Variants in KANK1 observed in about 807,000 individuals in gnomAD.
The protein encoded by KANK1 is KN motif and ankyrin repeat domains 1.
Under a neutral mutation model 106.2 loss-of-function variants are expected in KANK1, and 109 were observed. That is an observed-to-expected ratio of 1.03 (90% CI 0.88 to 1.20). KANK1 has a LOEUF of 1.20. KANK1 is among the 50% of genes most tolerant of loss of function. The probability of loss-of-function intolerance (pLI) is 0.00; values close to 1 mark genes in which losing one functional copy is unlikely to be tolerated. For missense variants in KANK1, 2,399 were observed against 1,710.7 expected (o/e 1.40, Z -7.10); for synonymous variants, 873 against 652.2 (o/e 1.34, Z -5.16).
Position 536,951 on chromosome 9 carries a change from C to T in KANK1, c.-84+32197C>T, listed in dbSNP as rs186487379. 7.2e-5 allele frequency among the ~76,000 whole-genome samples: 11 copies of T among 152,230 alleles called. No homozygotes were observed. In the South Asian group the frequency reaches 1.7e-3, roughly 23 times the overall value. On this transcript the variant is annotated intron_variant, in intron 1 of 11. Coordinates refer to ENST00000382297, the MANE Select transcript of KANK1 (RefSeq NM_015158.5). Reference sequence around the variant, plus strand: ...CATCTGTTCCACCTGGCTGGCAGCACGCACCTTGCAGGTCAGGTGTGAGAT... The same window carrying T: ...CATCTGTTCCACCTGGCTGGCAGCATGCACCTTGCAGGTCAGGTGTGAGAT...
chr9:735,090 T>C (rs2131923599), intron 7 of KANK1, among the ~76,000 whole-genome samples: 1 of 152,344 alleles, frequency 6.6e-6, no homozygotes, highest in Non-Finnish European at 1.5e-5. Flanking sequence ...CTGTGAGGCG[T>C]ACACTTGCAG....
At chr9:565,037 A>C (rs907188153) in intron 1 of KANK1, among the ~76,000 whole-genome samples, 1 of 152,224 alleles carries the variant, frequency 6.6e-6, no homozygotes, top group South Asian at 2.1e-4. Flanking sequence ...CCATTAGACA[A>C]ATGTCAGTGG....
At chr9:625,938 AC>A (rs1420113257) in intron 1 of KANK1, among the ~76,000 whole-genome samples, 3 of 151,768 alleles carry the variant, frequency 2.0e-5, no homozygotes, top group African/African-American at 7.3e-5. Context: ...TCTTATTCCC[AC>A]CTTCAGTCAC....
chr9:591,662 T>A (rs761213345), intron 1 of KANK1, among the ~76,000 whole-genome samples: 1 of 151,818 alleles, frequency 6.6e-6, no homozygotes, highest in African/African-American at 2.4e-5. Context: ...CTTGTCAATA[T>A]GCAATTATTT....
chr9:563,280 T>A (rs1345540578), intron 1 of KANK1, among the ~76,000 whole-genome samples: 1 of 152,162 alleles, frequency 6.6e-6, no homozygotes, highest in Non-Finnish European at 1.5e-5. Context: ...AAGCTAATGT[T>A]GCTATCCCTA....
chr9:600,352 A>T (rs1442022355), intron 1 of KANK1, among the ~76,000 whole-genome samples: 1 of 151,814 alleles, frequency 6.6e-6, no homozygotes, highest in East Asian at 1.9e-4. Context: ...CTATGTTGTA[A>T]CATGTGTCCA....
At chr9:631,864 G>T (rs191612664) in intron 1 of KANK1, among the ~76,000 whole-genome samples, 1 of 152,256 alleles carries the variant, frequency 6.6e-6, no homozygotes, top group East Asian at 1.9e-4. Flanking sequence ...TTCAGGGGTG[G>T]TGTCCTCAGA....
chr9:692,282 A>G (rs1383975555), intron 2 of KANK1, among the ~76,000 whole-genome samples: 4 of 152,214 alleles, frequency 2.6e-5, no homozygotes, highest in Admixed American at 6.5e-5. Context: ...TTTGAGACAC[A>G]TACTTTCCTG....
intron 1 of KANK1, among the ~76,000 whole-genome samples, chr9:542,567 C>T (rs1309867991): frequency 6.6e-6 from 1 of 152,156 alleles, no homozygotes; most frequent in Non-Finnish European, 1.5e-5. Flanking sequence ...GGGTATACAT[C>T]CAAAGGAATT....
intron 1 of KANK1, among the ~76,000 whole-genome samples, chr9:647,816 A>G (rs747090895): frequency 6.6e-6 from 1 of 150,472 alleles, no homozygotes; most frequent in Non-Finnish European, 1.5e-5. Flanking sequence ...ATAGCCCGCA[A>G]TCCCAGATCT....
chr9:662,555 C>CAAACAT lies in KANK1; in HGVS notation c.-83-14333_-83-14332insACATAA, dbSNP rs1843578271. 5.9e-5 allele frequency among the ~76,000 whole-genome samples: 3 copies of CAAACAT among 50,760 alleles called. No homozygotes were observed. The South Asian group carries it at 2.1e-3, about 35-fold the overall frequency. The allele number at this position is 50,760 out of a possible 152,430, so 33.3% of individuals were successfully genotyped here. On this transcript the variant is annotated intron_variant, in intron 1 of 11. Transcript: ENST00000382297. ...ACAACCATCTGATCTTTGACAAACA[C>CAAACAT]AAGAAATGAAGAAAGCATTCCCTGT...
At chr9:560,621 T>C (rs934932178) in intron 1 of KANK1, among the ~76,000 whole-genome samples, 5 of 152,256 alleles carry the variant, frequency 3.3e-5, no homozygotes, top group African/African-American at 9.6e-5. Flanking sequence ...TAAAATACTT[T>C]AAATTATCAC....
chr9:735,944 A>G (rs1833683368), intron 7 of KANK1, among the ~76,000 whole-genome samples: 1 of 152,122 alleles, frequency 6.6e-6, no homozygotes, highest in African/African-American at 2.4e-5. Context: ...GCAGTGAGCC[A>G]AGATTGCACC....
At chr9:678,406 G>C (rs1015415532) in intron 2 of KANK1, among the ~76,000 whole-genome samples, 1 of 152,080 alleles carries the variant, frequency 6.6e-6, no homozygotes, top group East Asian at 1.9e-4. Flanking sequence ...ATGTCACAGA[G>C]AAGTTCAGGG....
In KANK1 at chr9:732,627, A is replaced by C; in HGVS notation, c.3245+10A>C. 6.2e-7 allele frequency: 1 copy of C among 1,610,630 alleles called. No individual in the cohort carries two copies. ...TGGAAATCAGAGAGAGGTGTGGTAC[A>C]TTCCCCTTCCCTCCCTTGCCCCTCC... On this transcript the variant is annotated intron_variant, in intron 6 of 11. Coordinates refer to ENST00000382297, the MANE Select transcript of KANK1 (RefSeq NM_015158.5).
intron 3 of KANK1, among the ~76,000 whole-genome samples, chr9:487,570 A>G (rs1329009665): frequency 6.6e-6 from 1 of 152,194 alleles, no homozygotes; most frequent in Non-Finnish European, 1.5e-5. Context: ...GAGTCTGTAC[A>G]AGTTACTTGG....
intron 1 of KANK1, among the ~76,000 whole-genome samples, chr9:578,951 G>A (rs1311590219): frequency 2.0e-5 from 3 of 152,206 alleles, no homozygotes; most frequent in Non-Finnish European, 4.4e-5. Flanking sequence ...CTAGGAATTT[G>A]ACTGTTATAT....
intron 2 of KANK1, among the ~76,000 whole-genome samples, chr9:683,430 C>T (rs12004436): frequency 0.34 from 52,130 of 151,682 alleles, 12,624 homozygotes; most frequent in African/African-American, 0.66. Context: ...GGGTGTGTTT[C>T]CATTTCAGTT....
intron 1 of KANK1, among the ~76,000 whole-genome samples, chr9:658,350 C>G (rs1842584509): frequency 6.6e-6 from 1 of 152,202 alleles, no homozygotes; most frequent in African/African-American, 2.4e-5. Flanking sequence ...CTAAGCAAAT[C>G]TCATAACCTA....
Sources: gnomAD v4.1 joint callset for allele counts (sites outside exome capture counted in the v4.1 genomes callset) on GRCh38, gnomAD v4.1.1 for gene constraint, MANE v1.5 for transcripts, NCBI Gene and HGNC (gene_info 2026-07-23, HGNC 2026-07-21) for gene names.